ITGBL1: variants seen among roughly 807,000 people sequenced by gnomAD.
The protein encoded by ITGBL1 is integrin subunit beta like 1.
A neutral mutation model predicts 68.5 loss-of-function variants in ITGBL1; 51 were observed. That is an observed-to-expected ratio of 0.74 (90% confidence interval 0.59 to 0.94). The LOEUF (loss-of-function observed/expected upper bound fraction) is 0.94. ITGBL1 is among the 40% of genes least tolerant of loss of function. The pLI, the probability that ITGBL1 is intolerant of heterozygous loss-of-function variation, is 0.00. For synonymous variants in ITGBL1, 209 were observed against 227.3 expected (o/e 0.92, Z 0.72); for missense variants, 649 against 647.4 (o/e 1.00, Z -0.03).
chr13:101,693,023 A>G (rs2033917921), intron 8 of ITGBL1: 1 of 213,432 alleles, frequency 4.7e-6, no homozygotes, highest in South Asian at 9.2e-5. Context: ...TTTATTTATA[A>G]ACACTGGTAG....
At chr13:101,662,573 C>T (rs1408464772) in intron 7 of ITGBL1, among the ~76,000 whole-genome samples, 5 of 152,212 alleles carry the variant, frequency 3.3e-5, no homozygotes, top group Admixed American at 6.5e-5. Context: ...TTTCCAACAG[C>T]CTCCCTCCCT....
intron 7 of ITGBL1, among the ~76,000 whole-genome samples, chr13:101,615,347 G>C (rs2031309031): frequency 6.6e-6 from 1 of 152,112 alleles, no homozygotes; most frequent in Non-Finnish European, 1.5e-5. Flanking sequence ...TGGGGTCCTA[G>C]GTGGACATGA....
intron 2 of ITGBL1, among the ~76,000 whole-genome samples, chr13:101,540,536 G>A (rs2049676681): frequency 6.6e-6 from 1 of 152,150 alleles, no homozygotes; most frequent in Non-Finnish European, 1.5e-5. Flanking sequence ...GGCAATGTGG[G>A]CTCTTTTTTG....
At chr13:101,682,544 G>T (rs888542663) in intron 7 of ITGBL1, among the ~76,000 whole-genome samples, 1 of 151,934 alleles carries the variant, frequency 6.6e-6, no homozygotes. Context: ...CAAGTTTGCA[G>T]TTAATTTCCA....
At chr13:101,531,795 C>T (rs778985333) in intron 2 of ITGBL1, among the ~76,000 whole-genome samples, 1 of 151,160 alleles carries the variant, frequency 6.6e-6, no homozygotes, top group South Asian at 2.1e-4. Flanking sequence ...TGCAGTGGTG[C>T]GATCTTGACT....
chr13:101,586,542 A>G (rs1470395165), intron 6 of ITGBL1, among the ~76,000 whole-genome samples: 11 of 152,202 alleles, frequency 7.2e-5, no homozygotes. Context: ...ATTATTGTCT[A>G]TAGTTTAGCA....
intron 3 of ITGBL1, among the ~76,000 whole-genome samples, chr13:101,569,521 G>A (rs547656875): frequency 1.1e-4 from 17 of 152,222 alleles, no homozygotes; most frequent in African/African-American, 3.6e-4. Context: ...AAGGGACCCA[G>A]TAATGTCCTG....
Position 101,598,169 on chromosome 13 carries a change from T to C in ITGBL1, c.885T>C (p.Asn295=), listed in dbSNP as rs768393105. ...ACTGTGAAGGTCATGGACAGTGTAA[T>C]TGCGGAAGATGTGACTGCAAAGCAG... The part of the protein sequence containing the change: ...DDFCSGHGQC[N]CGRCDCKAGW... Residue 295 remains asparagine (N), a synonymous_variant, in exon 7 of 11, where the codon AAT becomes AAC. Coordinates refer to ENST00000376180, the MANE Select transcript of ITGBL1 (RefSeq NM_004791.3). 7 of 1,613,286 alleles carry C rather than the reference T, an allele frequency of 4.3e-6. No homozygotes were observed. Among genetic ancestry groups the C allele is most frequent in the Admixed American group, 1.7e-5 (1 of 59,872 alleles).
chr13:101,552,802 A>G (rs2049942278), intron 2 of ITGBL1, among the ~76,000 whole-genome samples: 1 of 152,252 alleles, frequency 6.6e-6, no homozygotes, highest in Non-Finnish European at 1.5e-5. Flanking sequence ...TGAGGAGAAG[A>G]TAACATTCCA....
chr13:101,467,980 A>G (rs768707640), intron 2 of ITGBL1, among the ~76,000 whole-genome samples: 1 of 152,180 alleles, frequency 6.6e-6, no homozygotes, highest in African/African-American at 2.4e-5. Context: ...AATGGGGTAG[A>G]GTAAGGAGCC....
At chr13:101,517,129 C>T (rs942633712) in intron 2 of ITGBL1, among the ~76,000 whole-genome samples, 4 of 152,146 alleles carry the variant, frequency 2.6e-5, no homozygotes, top group African/African-American at 4.8e-5. Flanking sequence ...ATGCCAACCT[C>T]ACCTTGCTTC....
In ITGBL1 at chr13:101,689,211, T is replaced by TAAAAAAAAAAAAAAAAA. The variant is rs34627046; in HGVS notation, c.1016-3368_1016-3352dup. ...CCTGGGGACAGAGCAAGACTCTGCC[T>TAAAAAAAAAAAAAAAAA]AAAAAAAAAAAAAAAAAAAAAATTA... On this transcript the variant is annotated intron_variant, in intron 7 of 10. Coordinates refer to ENST00000376180, the MANE Select transcript of ITGBL1 (RefSeq NM_004791.3). Among the ~76,000 whole-genome samples the TAAAAAAAAAAAAAAAAA allele has an allele frequency of 7.9e-4, 59 of 74,860 alleles. 4 individuals carry two copies. Among genetic ancestry groups the TAAAAAAAAAAAAAAAAA allele is most frequent in the African/African-American group, 1.5e-3 (32 of 21,196 alleles). The allele number at this position is 74,860 out of a possible 152,430, so 49.1% of individuals were successfully genotyped here.
At chr13:101,640,345 G>T (rs534342402) in intron 7 of ITGBL1, among the ~76,000 whole-genome samples, 9 of 152,168 alleles carry the variant, frequency 5.9e-5, no homozygotes, top group East Asian at 3.9e-4. Context: ...TTAAAATAAG[G>T]CAGTCTGTTT....
chr13:101,563,080 TATAA>T (rs1205099420), intron 2 of ITGBL1, among the ~76,000 whole-genome samples: 1 of 151,208 alleles, frequency 6.6e-6, no homozygotes, highest in Non-Finnish European at 1.5e-5. Flanking sequence ...TAAAATAATT[TATAA>T]ATAAAAATAT....
At chr13:101,579,484 T>C in intron 5 of ITGBL1, 57 bp downstream of exon 5, 2 of 1,547,594 alleles carry the variant, frequency 1.3e-6, no homozygotes, top group South Asian at 2.4e-5. Flanking sequence ...CTTTTAATTG[T>C]TAACACTTCT....
intron 1 of ITGBL1, 56 bp from the exon 2 acceptor site, chr13:101,453,827 G>A: frequency 2.6e-6 from 3 of 1,160,236 alleles, no homozygotes; most frequent in Non-Finnish European, 3.2e-6. Flanking sequence ...TGGGTTCGGA[G>A]CAGGGGGCGG....
chr13:101,580,582 C>T (rs1457037492), intron 5 of ITGBL1, among the ~76,000 whole-genome samples: 1 of 152,128 alleles, frequency 6.6e-6, no homozygotes, highest in South Asian at 2.1e-4. Flanking sequence ...AATGCTTCCC[C>T]TCCCCACTAC....
rs35288585 is a variant in ITGBL1, at chr13:101,539,050, CTT to C, written c.317-28626_317-28625del. Among the ~76,000 whole-genome samples the C allele has an allele frequency of 1.5e-4, 15 of 99,614 alleles. No individual in the cohort carries two copies. The South Asian group carries it at 3.3e-3, about 22-fold the overall frequency. 65.4% of individuals were successfully genotyped at this position (99,614 alleles called of 152,430 possible). ...CTTTGAGATTTATGCTGTGCTGCTT[CTT>C]TTTTTTTTTTTTTTTTTTTTTTAAG... On this transcript the variant is annotated intron_variant, in intron 2 of 10. Transcript: ENST00000376180.
intron 2 of ITGBL1, among the ~76,000 whole-genome samples, chr13:101,487,091 C>T (rs1452498372): frequency 3.3e-5 from 5 of 152,148 alleles, no homozygotes; most frequent in Non-Finnish European, 1.5e-5. Flanking sequence ...GATAGCCTAT[C>T]TTATCATTTG....
Sources: gnomAD v4.1 joint callset for allele counts (sites outside exome capture counted in the v4.1 genomes callset) on GRCh38, gnomAD v4.1.1 for gene constraint, MANE v1.5 for transcripts, NCBI Gene and HGNC (gene_info 2026-07-23, HGNC 2026-07-21) for gene names.